RHBDD1: variants seen among roughly 807,000 people sequenced by gnomAD.
RHBDD1 encodes rhomboid domain containing 1.
In RHBDD1, 38 loss-of-function variants were observed where a neutral mutation model predicts 36.3. That is an observed-to-expected ratio of 1.05 (90% CI 0.81 to 1.37). RHBDD1 has a LOEUF of 1.37. Among genes scored for constraint, RHBDD1 ranks in the 40% most tolerant of loss-of-function variants. The pLI is 0.00. For missense variants in RHBDD1, 393 were observed against 377.6 expected, an observed-to-expected ratio of 1.04 and a Z score of -0.34; for synonymous variants, 151 against 136.5, an observed-to-expected ratio of 1.11 and a Z score of -0.74.
At chr2:226,863,408 C>T (rs996707428) in intron 3 of RHBDD1, among the ~76,000 whole-genome samples, 2 of 152,238 alleles carry the variant, frequency 1.3e-5, no homozygotes, top group African/African-American at 4.8e-5. Context: ...TAAACCACAG[C>T]ACTCGCGAAA....
At chr2:226,834,286 C>T (rs1940814970), upstream of RHBDD1, among the ~76,000 whole-genome samples, 1 of 152,178 alleles carries the variant, frequency 6.6e-6, no homozygotes, top group South Asian at 2.1e-4. Context: ...GGACTTCTTC[C>T]TTTTGAGAAA....
rs183220609 is a variant in RHBDD1 at position 226,964,552 on chromosome 2, A to G, written c.857-30879A>G. On this transcript the variant is annotated intron_variant, in intron 8 of 8. Coordinates refer to ENST00000392062, the MANE Select transcript of RHBDD1 (RefSeq NM_001167608.3). ...TTCTTCTCCCAAGGCTTTAGTTGCTATTTATATGCTGGCAACTTCCAAATT... is the reference window on the plus strand; with the variant it reads ...TTCTTCTCCCAAGGCTTTAGTTGCTGTTTATATGCTGGCAACTTCCAAATT... 7.2e-5 allele frequency among the ~76,000 whole-genome samples: 11 copies of G among 152,240 alleles called. No individual in the cohort carries two copies. The East Asian group carries it at 2.1e-3, about 29-fold the overall frequency.
chr2:226,820,666 A>AAAAG, the RHBDD1 span, among the ~76,000 whole-genome samples: 3 of 149,658 alleles, frequency 2.0e-5, no homozygotes, highest in Non-Finnish European at 4.4e-5. Flanking sequence ...AAAAAAAAAA[A>AAAAG]AAAGAAAAAA....
At chr2:226,951,660 G>A (rs1951434861) in intron 8 of RHBDD1, among the ~76,000 whole-genome samples, 1 of 152,140 alleles carries the variant, frequency 6.6e-6, no homozygotes, top group Admixed American at 6.5e-5. Flanking sequence ...ACAGTTAACA[G>A]CTAACTGTCT....
At chr2:226,949,736 C>G (rs181592217) in intron 8 of RHBDD1, among the ~76,000 whole-genome samples, 5 of 152,086 alleles carry the variant, frequency 3.3e-5, no homozygotes, top group Admixed American at 3.3e-4. Flanking sequence ...AGTTCAAGAT[C>G]AAGGTGCCGA....
intron 3 of RHBDD1, among the ~76,000 whole-genome samples, chr2:226,849,112 A>G (rs190694849): frequency 6.6e-6 from 1 of 152,342 alleles, no homozygotes; most frequent in East Asian, 1.9e-4. Flanking sequence ...TAGTTTGTAT[A>G]AGAACTTTAG....
At chr2:226,962,659 A>G (rs1328499713) in intron 8 of RHBDD1, among the ~76,000 whole-genome samples, 1 of 152,252 alleles carries the variant, frequency 6.6e-6, no homozygotes, top group Non-Finnish European at 1.5e-5. Context: ...TAAAGAACAC[A>G]GATTATAATC....
rs372778601 is a variant in RHBDD1, at chr2:226,864,663, C to T, written c.-31C>T. 1.9e-5 allele frequency: 30 copies of T among 1,585,328 alleles called. No homozygotes were observed. The African/African-American group carries it at 3.6e-4, about 19-fold the overall frequency. On this transcript the variant is annotated 5_prime_UTR_variant, in exon 4 of 9. Transcript: ENST00000392062. ...AACTGACCACCTGAGTACGTTTTCCCATTGCTGAGCTGTTTCCCTGATATC... is the reference window on the plus strand; with the variant it reads ...AACTGACCACCTGAGTACGTTTTCCTATTGCTGAGCTGTTTCCCTGATATC...
intron 8 of RHBDD1, among the ~76,000 whole-genome samples, chr2:226,929,066 C>G (rs573407736): frequency 6.6e-6 from 1 of 152,092 alleles, no homozygotes; most frequent in Non-Finnish European, 1.5e-5. Context: ...CCAAATTCTA[C>G]CAGACATTCA....
chr2:226,978,510 G>A (rs1954998022), intron 8 of RHBDD1, among the ~76,000 whole-genome samples: 1 of 152,074 alleles, frequency 6.6e-6, no homozygotes, highest in Non-Finnish European at 1.5e-5. Context: ...CACCTACGTC[G>A]AGCCTCAGTC....
At chr2:226,895,663 C>A (rs1276542326) in intron 5 of RHBDD1, 20 of 985,068 alleles carry the variant, frequency 2.0e-5, no homozygotes, top group Non-Finnish European at 2.0e-5. Flanking sequence ...CCATTTTGTT[C>A]TGAAGATTTG....
At chr2:226,948,563 A>AT (rs1951167075) in intron 8 of RHBDD1, among the ~76,000 whole-genome samples, 3 of 87,442 alleles carry the variant, frequency 3.4e-5, no homozygotes, top group Non-Finnish European at 4.6e-5. Context: ...AACTTAAAGT[A>AT]TAAAAAAAAA....
intron 3 of RHBDD1, among the ~76,000 whole-genome samples, chr2:226,841,257 C>T (rs1011504402): frequency 4.6e-5 from 7 of 152,108 alleles, no homozygotes; most frequent in African/African-American, 1.2e-4. Context: ...CTCAGCCTCC[C>T]TAGTAGCTGG....
At chr2:226,949,657 A>T (rs1170097817) in intron 8 of RHBDD1, among the ~76,000 whole-genome samples, 1 of 152,222 alleles carries the variant, frequency 6.6e-6, no homozygotes, top group Admixed American at 6.5e-5. Context: ...TAGGACCATC[A>T]TAACTAAATA....
chr2:226,967,311 C>T (rs1300680945), intron 8 of RHBDD1, among the ~76,000 whole-genome samples: 2 of 152,108 alleles, frequency 1.3e-5, no homozygotes, highest in Non-Finnish European at 2.9e-5. Flanking sequence ...CTGTTAAGTA[C>T]TTGTTGAATT....
rs184136409 is a variant in RHBDD1 at position 226,911,712 on chromosome 2, A to G, written c.713-2496A>G. 3.0e-3 allele frequency among the ~76,000 whole-genome samples: 464 copies of G among 152,170 alleles called. 2 individuals carry two copies. The highest frequency in any genetic ancestry group is 0.01 in the Middle Eastern group (3 of 294). On this transcript the variant is annotated intron_variant, in intron 7 of 8. Transcript: ENST00000392062. ...TTGGATAGAGACCAGTTTAAGAATA[A>G]ATGTTCATATTTAAAATGGTAAGAT... is the stretch of plus-strand genomic sequence containing the variant.
At chr2:226,947,163 A>T (rs891327751) in intron 8 of RHBDD1, among the ~76,000 whole-genome samples, 2 of 151,630 alleles carry the variant, frequency 1.3e-5, no homozygotes, top group African/African-American at 2.4e-5. Context: ...TGTTTTGGAC[A>T]TGAAGTCCTT....
chr2:226,872,251 A>G (rs576569713), intron 5 of RHBDD1, among the ~76,000 whole-genome samples: 9 of 152,344 alleles, frequency 5.9e-5, no homozygotes, highest in African/African-American at 2.2e-4. Context: ...TGAGAAAGGG[A>G]AAGACAGTTC....
At chr2:226,945,439 T>C (rs1056935909) in intron 8 of RHBDD1, among the ~76,000 whole-genome samples, 5 of 152,162 alleles carry the variant, frequency 3.3e-5, no homozygotes, top group African/African-American at 4.8e-5. Context: ...GTTAGTTTGC[T>C]GAAAATGATG....
Sources: allele counts gnomAD v4.1 joint callset (sites outside exome capture counted in the v4.1 genomes callset), GRCh38; gene constraint gnomAD v4.1.1; transcripts MANE v1.5; gene names NCBI Gene and HGNC (gene_info 2026-07-23, HGNC 2026-07-21).